The following NTRK3 variants were observed in gnomAD, a reference collection of about 807,000 sequenced individuals.
NTRK3 encodes neurotrophic receptor tyrosine kinase 3.
In NTRK3, 24 loss-of-function variants were observed where a neutral mutation model predicts 91.7. That is an observed-to-expected ratio of 0.26 (90% CI 0.19 to 0.37). The LOEUF (loss-of-function observed/expected upper bound fraction) is 0.37, where lower values mean the gene tolerates loss of function less well. NTRK3 is among the 10% of genes least tolerant of loss of function. The pLI is 1.00. For missense variants in NTRK3, 880 were observed against 1,068.9 expected (o/e 0.82, Z 2.46); for synonymous variants, 483 against 404.0 (o/e 1.20, Z -2.34).
chr15:87,878,972 C>T (rs1453101743), intron 18 of NTRK3, among the ~76,000 whole-genome samples: 1 of 150,108 alleles, frequency 6.7e-6, no homozygotes, highest in Non-Finnish European at 1.5e-5. Context: ...CCTTCCTCCC[C>T]TGCGAAAACA....
At chr15:87,887,390 C>T (rs942319923) in intron 17 of NTRK3, among the ~76,000 whole-genome samples, 1 of 152,174 alleles carries the variant, frequency 6.6e-6, no homozygotes, top group East Asian at 1.9e-4. Flanking sequence ...TTGACAAGCA[C>T]TTAACACCCT....
intron 13 of NTRK3, among the ~76,000 whole-genome samples, chr15:88,073,948 C>A (rs2047317353): frequency 6.6e-6 from 1 of 152,158 alleles, no homozygotes; most frequent in Admixed American, 6.5e-5. Flanking sequence ...ATTCCAGAAG[C>A]AACCAGGCAG....
chr15:88,163,402 C>T lies in NTRK3; in HGVS notation c.396-15999G>A, dbSNP rs188227783. ...TTCCATGACTTACTGATATATCCCT[C>T]CTCTGAGAAGCCTTCCCTGACCACC... is the stretch of plus-strand genomic sequence containing the variant. On this transcript the variant is annotated intron_variant, in intron 5 of 18. Transcript: ENST00000394480. 4.0e-3 allele frequency among the ~76,000 whole-genome samples: 606 copies of T among 152,298 alleles called. 4 individuals carry two copies. The highest frequency in any genetic ancestry group is 0.01 in the Middle Eastern group (3 of 294).
chr15:87,981,947 G>A (rs2074317244), intron 14 of NTRK3, among the ~76,000 whole-genome samples: 1 of 152,182 alleles, frequency 6.6e-6, no homozygotes, highest in Non-Finnish European at 1.5e-5. Flanking sequence ...AAAGCTGTTA[G>A]CTCACTGAAG....
intron 14 of NTRK3, among the ~76,000 whole-genome samples, chr15:87,972,735 G>A (rs1486659818): frequency 3.9e-5 from 6 of 152,196 alleles, no homozygotes; most frequent in African/African-American, 1.2e-4. Flanking sequence ...GAAGGCTCAT[G>A]TATCTTGGTT....
chr15:88,013,628 C>T (rs932756539), intron 14 of NTRK3, among the ~76,000 whole-genome samples: 1 of 152,168 alleles, frequency 6.6e-6, no homozygotes, highest in African/African-American at 2.4e-5. Context: ...TTTTCAATGC[C>T]AGTAGGAACT....
At chr15:87,940,385 C>T (rs2069710633) in intron 15 of NTRK3, among the ~76,000 whole-genome samples, 1 of 152,212 alleles carries the variant, frequency 6.6e-6, no homozygotes, top group African/African-American at 2.4e-5. Context: ...GGGTCATTTA[C>T]AAGAATAAAC....
rs952081511 is a variant in NTRK3, at chr15:88,042,160, G to A, written c.1397-9115C>T. Among the ~76,000 whole-genome samples, 3 of 152,050 alleles carry A rather than the reference G, an allele frequency of 2.0e-5. 1 individual carries two copies. Among genetic ancestry groups the A allele is most frequent in the Admixed American group, 1.3e-4 (2 of 15,264 alleles). On this transcript the variant is annotated intron_variant, in intron 13 of 18. Coordinates refer to ENST00000394480, the Ensembl canonical transcript of NTRK3. Reference sequence around the variant, plus strand: ...CGAGAGCTTCGCATCAACAAATCTGGGAGCAGGAACTCATAAAACGGAATA... The same window carrying A: ...CGAGAGCTTCGCATCAACAAATCTGAGAGCAGGAACTCATAAAACGGAATA...
chr15:88,220,679 G>A (rs1422324368), intron 3 of NTRK3, among the ~76,000 whole-genome samples: 5 of 152,182 alleles, frequency 3.3e-5, no homozygotes, highest in Non-Finnish European at 5.9e-5. Context: ...TTTCAAGCCA[G>A]CCATTTCCTG....
chr15:87,916,426 T>A, intron 17 of NTRK3: 1 of 683,636 alleles, frequency 1.5e-6, no homozygotes, highest in East Asian at 2.7e-5. Flanking sequence ...CCAGATTCAA[T>A]GGTCTCCTTC....
intron 11 of NTRK3, among the ~76,000 whole-genome samples, chr15:88,128,294 C>T (rs1438654749): frequency 6.6e-6 from 1 of 152,174 alleles, no homozygotes; most frequent in African/African-American, 2.4e-5. Context: ...TGAGGCGAGT[C>T]CTGGCCAAGT....
At chr15:88,100,762 G>A (rs942223891) in intron 13 of NTRK3, among the ~76,000 whole-genome samples, 2 of 152,242 alleles carry the variant, frequency 1.3e-5, no homozygotes, top group East Asian at 3.9e-4. Context: ...ACAAGAAATG[G>A]GGAAACGATT....
At chr15:87,900,680 C>G (rs1274465400) in intron 17 of NTRK3, among the ~76,000 whole-genome samples, 1 of 142,930 alleles carries the variant, frequency 7.0e-6, no homozygotes, top group Non-Finnish European at 1.5e-5. Flanking sequence ...AGCAGCCTGA[C>G]TTTACAGAGG....
intron 14 of NTRK3, chr15:87,977,252 A>G (rs1205264209): frequency 1.2e-5 from 2 of 172,368 alleles, no homozygotes; most frequent in Non-Finnish European, 2.5e-5. Context: ...AACTTAACTA[A>G]GAAACTTCTT....
chr15:87,896,818 CTTA>C (rs2066152850), intron 17 of NTRK3, among the ~76,000 whole-genome samples: 1 of 152,172 alleles, frequency 6.6e-6, no homozygotes, highest in African/African-American at 2.4e-5. Flanking sequence ...AGACTTCTGA[CTTA>C]TTAAGTCAGA....
chr15:88,110,766 A>G (rs1239082725), intron 13 of NTRK3, among the ~76,000 whole-genome samples: 3 of 152,202 alleles, frequency 2.0e-5, no homozygotes, highest in South Asian at 2.1e-4. Flanking sequence ...GACTGGGGAC[A>G]TGGCAGGAGC....
At chr15:87,922,593 A>G (rs1192076919) in intron 17 of NTRK3, among the ~76,000 whole-genome samples, 2 of 152,166 alleles carry the variant, frequency 1.3e-5, no homozygotes, top group Non-Finnish European at 2.9e-5. Flanking sequence ...ACCCCACTCA[A>G]TATTACTCAT....
intron 17 of NTRK3, among the ~76,000 whole-genome samples, chr15:87,899,497 A>C (rs1005162122): frequency 7.2e-5 from 11 of 152,078 alleles, no homozygotes; most frequent in African/African-American, 2.7e-4. Flanking sequence ...GAAAGGCACA[A>C]CTGTAGCTAG....
intron 13 of NTRK3, among the ~76,000 whole-genome samples, chr15:88,088,683 A>G (rs1258443459): frequency 6.6e-6 from 1 of 152,222 alleles, no homozygotes; most frequent in Non-Finnish European, 1.5e-5. Context: ...AGAGTGCAGA[A>G]GCTGTCAGAC....
Sources: allele counts gnomAD v4.1 joint callset (sites outside exome capture counted in the v4.1 genomes callset), GRCh38; gene constraint gnomAD v4.1.1; transcripts MANE v1.5; gene names NCBI Gene and HGNC (gene_info 2026-07-23, HGNC 2026-07-21).